The following NR5A2 variants were observed in gnomAD, a reference collection of about 807,000 sequenced individuals.
The protein encoded by NR5A2 is CYP7A promoter-binding factor.
Under a neutral mutation model 62.7 loss-of-function variants are expected in NR5A2, and 26 were observed. That is an observed-to-expected ratio of 0.41 (90% CI 0.30 to 0.58). The LOEUF is 0.58. Ranked by LOEUF, NR5A2 falls within the 20% of genes least tolerant of loss-of-function variation. The pLI, the probability that NR5A2 is intolerant of heterozygous loss-of-function variation, is 0.22. For synonymous variants in NR5A2, 246 were observed against 241.7 expected (o/e 1.02, Z -0.16); for missense variants, 541 against 669.1 (o/e 0.81, Z 2.11).
intron 7 of NR5A2, among the ~76,000 whole-genome samples, chr1:200,165,169 G>A (rs1653840264): frequency 6.6e-6 from 1 of 152,028 alleles, no homozygotes; most frequent in Admixed American, 6.6e-5. Context: ...GAACCACCGT[G>A]CCCAGCCCTG....
intron 7 of NR5A2, among the ~76,000 whole-genome samples, chr1:200,170,045 CA>C: frequency 6.6e-6 from 1 of 152,100 alleles, no homozygotes; most frequent in Non-Finnish European, 1.5e-5. Context: ...CAGCAAATTT[CA>C]AAAACATGTA....
intron 7 of NR5A2, among the ~76,000 whole-genome samples, chr1:200,143,423 TG>T (rs1667531753): frequency 6.6e-6 from 1 of 151,732 alleles, no homozygotes; most frequent in Admixed American, 6.6e-5. Flanking sequence ...GGATTAGTTT[TG>T]TTTTTTTTTT....
intron 6 of NR5A2, among the ~76,000 whole-genome samples, chr1:200,118,913 C>T (rs2737678): frequency 0.37 from 55,973 of 152,084 alleles, 11,040 homozygotes; most frequent in South Asian, 0.45. Flanking sequence ...TTCTTTCACA[C>T]ATTCTGAAAC....
chr1:200,174,203 G>C lies in NR5A2; in HGVS notation c.1619G>C (p.Arg540Thr). The C allele has an allele frequency of 6.3e-7, 1 of 1,591,290 alleles. No homozygotes were observed. The highest frequency in any genetic ancestry group is 8.6e-7 in the Non-Finnish European group (1 of 1,167,230). ...CTCATTGAAATGTTGCATGCCAAAA[G>C]AGCATAAGTTACAACCCCTAGGAGC... Reference protein sequence around the residue: ...NLLIEMLHAKRA With the variant: ...NLLIEMLHAKTA Residue 540 changes from arginine (R) to threonine (T), a missense_variant, in exon 8 of 8, where the codon AGA (arginine) becomes ACA (threonine). Arg to Thr is a moderately conservative substitution (Grantham distance 71). Transcript: ENST00000367362.
intron 1 of NR5A2, chr1:200,029,181 A>G (rs541261289): frequency 2.7e-6 from 1 of 377,120 alleles, no homozygotes; most frequent in Non-Finnish European, 5.3e-6. Flanking sequence ...CCGGGGCCGC[A>G]GCTAGAGCGC....
intron 5 of NR5A2, among the ~76,000 whole-genome samples, chr1:200,086,298 C>A (rs544302433): frequency 1.3e-5 from 2 of 151,858 alleles, no homozygotes; most frequent in African/African-American, 4.8e-5. Flanking sequence ...GAATGAGTTC[C>A]GGAAACTTTT....
intron 6 of NR5A2, among the ~76,000 whole-genome samples, chr1:200,119,579 A>G (rs1156607220): frequency 6.6e-6 from 1 of 152,220 alleles, no homozygotes; most frequent in Non-Finnish European, 1.5e-5. Context: ...TTAACTTGTT[A>G]TAAATTGAAC....
chr1:200,102,203 A>C (rs1017907698), intron 5 of NR5A2, among the ~76,000 whole-genome samples: 1 of 152,218 alleles, frequency 6.6e-6, no homozygotes, highest in African/African-American at 2.4e-5. Context: ...GAAACATTGC[A>C]CTTTGAAAGA....
chr1:200,048,536 C>G lies in NR5A2; in HGVS notation c.828C>G (p.Pro276=). The part of the protein sequence containing the change: ...SRAIKSEYPD[P]YTSSPESIMG... Reference sequence around the variant, plus strand: ...CCATCAAGTCTGAGTACCCAGACCCCTATACCAGCTCACCCGAGTCCATAA... The same window carrying G: ...CCATCAAGTCTGAGTACCCAGACCCGTATACCAGCTCACCCGAGTCCATAA... The change falls in exon 5 of 8, where the codon CCC becomes CCG. Residue 276 remains proline, a synonymous_variant. Coordinates refer to ENST00000367362, the MANE Select transcript of NR5A2 (RefSeq NM_205860.3). This position sits in a 1 kb window ranked among gnomAD's most constrained non-coding sequence, Gnocchi z 4.8. The G allele has an allele frequency of 6.2e-7, 1 of 1,614,188 alleles. No homozygotes were observed. Among genetic ancestry groups the G allele is most frequent in the Non-Finnish European group, 8.5e-7 (1 of 1,180,040 alleles).
intron 7 of NR5A2, among the ~76,000 whole-genome samples, chr1:200,121,767 C>G (rs1347214910): frequency 6.6e-6 from 1 of 152,122 alleles, no homozygotes; most frequent in African/African-American, 2.4e-5. Flanking sequence ...GGCAACTTCC[C>G]TTGAATGAAA....
chr1:200,028,032 A>G (rs1661408133), intron 1 of NR5A2, 121 bp downstream of exon 1: 2 of 631,790 alleles, frequency 3.2e-6, no homozygotes, highest in East Asian at 5.6e-5. Flanking sequence ...TATTAAAAGC[A>G]CACAATAAGC....
chr1:200,081,699 A>C (rs889833309), intron 5 of NR5A2, among the ~76,000 whole-genome samples: 2 of 152,176 alleles, frequency 1.3e-5, no homozygotes, highest in Non-Finnish European at 2.9e-5. Context: ...AATTAGAATA[A>C]CAAATGTTCC....
rs1190871865 is a variant in NR5A2, at chr1:200,039,840, C to A, written c.202+45C>A. Reference sequence around the variant, plus strand: ...CGCTCCGGCTCCCGCTGCTTCCCCACCCCCGGGCTCGCCCTGCAGGCTTCA... The same window carrying A: ...CGCTCCGGCTCCCGCTGCTTCCCCAACCCCGGGCTCGCCCTGCAGGCTTCA... On this transcript the variant is annotated intron_variant, in intron 2 of 7. Transcript: ENST00000367362. This position sits in a 1 kb window ranked among gnomAD's most constrained non-coding sequence, Gnocchi z 5.1. The A allele has an allele frequency of 1.9e-6, 3 of 1,566,756 alleles. No homozygotes were observed. The highest frequency in any genetic ancestry group is 1.4e-5 in the African/African-American group (1 of 71,548).
chr1:200,128,475 G>C (rs1191841771), intron 7 of NR5A2, among the ~76,000 whole-genome samples: 1 of 152,004 alleles, frequency 6.6e-6, no homozygotes, highest in Non-Finnish European at 1.5e-5. Context: ...CGTTTTCTTT[G>C]GACCATTCAC....
chr1:200,060,863 G>A (rs867540591), intron 5 of NR5A2, among the ~76,000 whole-genome samples: 2 of 151,380 alleles, frequency 1.3e-5, no homozygotes, highest in Admixed American at 6.6e-5. Flanking sequence ...CAACACTTTG[G>A]GAGGCCAAGG....
chr1:200,101,154 T>C (rs1665346883), intron 5 of NR5A2, among the ~76,000 whole-genome samples: 1 of 152,224 alleles, frequency 6.6e-6, no homozygotes, highest in Non-Finnish European at 1.5e-5. Flanking sequence ...CCACAGAGTG[T>C]AATACTTTGT....
intron 1 of NR5A2, among the ~76,000 whole-genome samples, chr1:200,032,132 C>T (rs1323608194): frequency 2.0e-5 from 3 of 152,200 alleles, no homozygotes; most frequent in Non-Finnish European, 4.4e-5. Flanking sequence ...GCTCTAGAGT[C>T]TACCTTAGGA....
chr1:200,039,899 C>G lies in NR5A2; in HGVS notation c.202+104C>G, dbSNP rs1661986059. The G allele has an allele frequency of 1.5e-6, 2 of 1,334,874 alleles. No homozygotes were observed. Among genetic ancestry groups the G allele is most frequent in the Non-Finnish European group, 2.0e-6 (2 of 1,017,738 alleles). 82.7% of individuals were successfully genotyped at this position (1,334,874 alleles called of 1,614,324 possible). A position where few individuals can be genotyped will look rare whatever the true frequency, so the allele number is the denominator to read the frequency against. On this transcript the variant is annotated intron_variant, in intron 2 of 7. Coordinates refer to ENST00000367362, the MANE Select transcript of NR5A2 (RefSeq NM_205860.3). The surrounding 1 kb of genome is among the most constrained non-coding windows in gnomAD (Gnocchi z 5.1). The stretch of plus-strand genomic sequence containing the variant: ...CCCCGCGCGGGCGCGGGAGTAGCCC[C>G]GCTGGGCGCTCGCAGCCGCGGGAGT...
intron 1 of NR5A2, chr1:200,038,887 T>C: frequency 1.7e-6 from 1 of 589,948 alleles, no homozygotes; most frequent in Non-Finnish European, 2.5e-6. Context: ...AGCCTCATCC[T>C]TATTGGCTGG....
Sources: gnomAD v4.1 joint callset for allele counts (sites outside exome capture counted in the v4.1 genomes callset) on GRCh38, gnomAD v4.1.1 for gene constraint, Gnocchi (gnomAD v3.1) non-coding constraint, MANE v1.5 for transcripts, NCBI Gene and HGNC (gene_info 2026-07-23, HGNC 2026-07-21) for gene names.